Variants in MAF observed in about 807,000 individuals in gnomAD.
The protein encoded by MAF is MAF bZIP transcription factor.
Under a neutral mutation model 22.0 loss-of-function variants are expected in MAF, and 10 were observed. The ratio of observed to expected loss-of-function variants is 0.45; its 90% CI spans 0.28 to 0.77. The LOEUF is 0.77. Ranked by LOEUF, MAF falls within the 30% of genes least tolerant of loss-of-function variation. The pLI, the probability that MAF is intolerant of heterozygous loss-of-function variation, is 0.12. For synonymous variants in MAF, 337 were observed against 255.8 expected (o/e 1.32, Z -3.03); for missense variants, 544 against 548.4 (o/e 0.99, Z 0.08).
the MAF span, among the ~76,000 whole-genome samples, chr16:79,481,350 C>G: frequency 6.6e-6 from 1 of 151,940 alleles, no homozygotes; most frequent in Admixed American, 6.5e-5. Context: ...GTGCGACCAT[C>G]ACCCTACTCT....
chr16:79,364,489 C>T, the MAF span, among the ~76,000 whole-genome samples: 420 of 152,270 alleles, frequency 2.8e-3, 6 homozygotes, highest in African/African-American at 8.4e-3. Context: ...GGAAGAGGAA[C>T]GGTCCCAGAA....
chr16:79,353,790 C>G, the MAF span, among the ~76,000 whole-genome samples: 1 of 151,878 alleles, frequency 6.6e-6, no homozygotes, highest in African/African-American at 2.4e-5. Flanking sequence ...GTCCTCACTC[C>G]CTGAAGGAAA....
At chr16:79,405,863 A>C in the MAF span, among the ~76,000 whole-genome samples, 1 of 152,178 alleles carries the variant, frequency 6.6e-6, no homozygotes, top group Non-Finnish European at 1.5e-5. Context: ...GCCACCCGTC[A>C]ACCATCTCAT....
At chr16:79,358,894 C>T in the MAF span, among the ~76,000 whole-genome samples, 1 of 152,170 alleles carries the variant, frequency 6.6e-6, no homozygotes, top group African/African-American at 2.4e-5. Context: ...AGGGAAATTT[C>T]CTGGCAGAAG....
the MAF span, among the ~76,000 whole-genome samples, chr16:79,480,867 G>A: frequency 5.9e-5 from 9 of 152,192 alleles, no homozygotes; most frequent in Admixed American, 2.6e-4. Context: ...GGATAGGACC[G>A]TGGGACTGGG....
chr16:79,348,105 T>C, the MAF span, among the ~76,000 whole-genome samples: 3 of 152,206 alleles, frequency 2.0e-5, no homozygotes, highest in Non-Finnish European at 4.4e-5. Context: ...CGTACGGAAA[T>C]AAACCCTGTC....
the MAF span, among the ~76,000 whole-genome samples, chr16:79,244,127 C>G: frequency 1.9e-4 from 29 of 152,102 alleles, 1 homozygote; most frequent in African/African-American, 7.0e-4. Flanking sequence ...GGGGCAAAAA[C>G]TGGAAGCATG....
At chr16:79,447,209 G>C in the MAF span, among the ~76,000 whole-genome samples, 3 of 151,744 alleles carry the variant, frequency 2.0e-5, no homozygotes, top group Admixed American at 2.0e-4. Context: ...GGTTCCTTAA[G>C]AATGATGCTA....
chr16:79,287,907 A>G, the MAF span, among the ~76,000 whole-genome samples: 1 of 152,210 alleles, frequency 6.6e-6, no homozygotes, highest in African/African-American at 2.4e-5. Flanking sequence ...ATTTTAATAA[A>G]GCTAGCTAAC....
At chr16:79,545,907 GAA>G in the MAF span, among the ~76,000 whole-genome samples, 7 of 151,828 alleles carry the variant, frequency 4.6e-5, no homozygotes, top group African/African-American at 1.7e-4. Flanking sequence ...TCACTACCAA[GAA>G]AAAAATAAGT....
the MAF span, among the ~76,000 whole-genome samples, chr16:79,382,841 G>C: frequency 1.2e-4 from 18 of 152,326 alleles, no homozygotes; most frequent in East Asian, 3.3e-3. Context: ...CTGCTCTAGT[G>C]CACGAATTAG....
At chr16:79,530,796 C>T in the MAF span, among the ~76,000 whole-genome samples, 1 of 152,256 alleles carries the variant, frequency 6.6e-6, no homozygotes, top group African/African-American at 2.4e-5. Flanking sequence ...TCATAGATAT[C>T]TCTTTGCTTA....
the MAF span, among the ~76,000 whole-genome samples, chr16:79,317,001 G>A: frequency 2.0e-5 from 3 of 152,132 alleles, no homozygotes; most frequent in Non-Finnish European, 4.4e-5. Context: ...TTAGAGAAAT[G>A]AAAATGCATT....
chr16:79,468,761 C>G, the MAF span, among the ~76,000 whole-genome samples: 1 of 152,214 alleles, frequency 6.6e-6, no homozygotes, highest in South Asian at 2.1e-4. Flanking sequence ...ATAAGATAAT[C>G]CAGGGGGCAG....
the MAF span, among the ~76,000 whole-genome samples, chr16:79,340,187 C>G: frequency 6.6e-6 from 1 of 152,108 alleles, no homozygotes; most frequent in East Asian, 2.0e-4. Flanking sequence ...CCTGCCCCTC[C>G]TTCCCTGTCT....
chr16:79,211,660 G>C, the MAF span: 1 of 1,614,196 alleles, frequency 6.2e-7, no homozygotes, highest in Non-Finnish European at 8.5e-7. Context: ...GAACTGGAGG[G>C]TCTGGGAGGG....
intron 1 of MAF, among the ~76,000 whole-genome samples, chr16:79,587,746 C>G (rs1199852035): frequency 1.3e-5 from 2 of 151,920 alleles, no homozygotes; most frequent in African/African-American, 4.8e-5. Context: ...TATTTGGCAT[C>G]TTGCCTGAAA....
At chr16:79,351,998 G>C in the MAF span, among the ~76,000 whole-genome samples, 469 of 152,296 alleles carry the variant, frequency 3.1e-3, 9 homozygotes, top group Admixed American at 0.026. Flanking sequence ...TCACCGTTGA[G>C]ATGACATCTC....
the MAF span, among the ~76,000 whole-genome samples, chr16:79,270,453 T>A: frequency 6.6e-6 from 1 of 152,138 alleles, no homozygotes; most frequent in Admixed American, 6.5e-5. Flanking sequence ...CTTGAGGCAC[T>A]CAACCCAGTC....
Sources: allele counts gnomAD v4.1 joint callset (sites outside exome capture counted in the v4.1 genomes callset), GRCh38; gene constraint gnomAD v4.1.1; transcripts MANE v1.5; gene names NCBI Gene and HGNC (gene_info 2026-07-23, HGNC 2026-07-21).